Variants in SLC44A2 observed in about 807,000 individuals in gnomAD.
SLC44A2 encodes choline transporter-like protein 2.
SLC44A2 carries 57 observed loss-of-function variants against 90.8 expected under a neutral mutation model. The observed-to-expected ratio is 0.63, with a 90% CI of 0.51 to 0.78. SLC44A2 has a LOEUF of 0.78. Among genes scored for constraint, SLC44A2 ranks in the 30% least tolerant of loss-of-function variants. The pLI, the probability that SLC44A2 is intolerant of heterozygous loss-of-function variation, is 0.00. For synonymous variants in SLC44A2, 355 were observed against 360.7 expected, an observed-to-expected ratio of 0.98 and a Z score of 0.18; for missense variants, 794 against 919.7, an observed-to-expected ratio of 0.86 and a Z score of 1.77.
At position 10,635,091 on chromosome 19, in the gene SLC44A2, C is replaced by T. The variant is rs2067039513; in HGVS notation, c.1055+18C>T. The T allele has an allele frequency of 6.2e-7, 1 of 1,613,910 alleles. No homozygotes were observed. Among genetic ancestry groups the T allele is most frequent in the Non-Finnish European group, 8.5e-7 (1 of 1,179,898 alleles). On this transcript the variant is annotated intron_variant, in intron 12 of 21. Transcript: ENST00000335757. ...GCCAGCAGGTGGGGGGCCAGGGTGC[C>T]AGGGGCCAGGATGGAGCTGTCCCTA...
Position 10,638,260 on chromosome 19 carries a change from T to A in SLC44A2, c.1874T>A (p.Ile625Asn). 2 of 1,614,084 alleles carry A rather than the reference T, an allele frequency of 1.2e-6. No individual in the cohort carries two copies. The highest frequency in any genetic ancestry group is 1.3e-5 in the African/African-American group (1 of 74,996). The change falls in exon 20 of 22, where the codon ATC becomes AAC. Residue 625 changes from isoleucine (I) to asparagine (N), a missense_variant. Physicochemically the swap from Ile to Asn is moderately radical, Grantham distance 149. Around this residue, in one of 3 missense-constraint regions of SLC44A2, gnomAD observed 738 missense variants for 841.1 expected, o/e 0.88. Coordinates refer to ENST00000335757, the MANE Select transcript of SLC44A2 (RefSeq NM_020428.4). ...ILAFFFFTHR[I>N]RIVQDTAPPL... ...GCTTTCTTCTTCTTCACCCACCGTA[T>A]CAGGATCGTGCAGGATACAGCACCA...
chr19:10,620,193 A>C lies in SLC44A2; in HGVS notation c.32-6060A>C, dbSNP rs140749592. On this transcript the variant is annotated intron_variant, in intron 1 of 21. Coordinates refer to the SLC44A2 transcript ENST00000407327. ...TTTGTCTCAAAAACAAAAACAAAAA[A>C]AAAATTACTGGGCGCTGTGGCTCAT... Among the ~76,000 whole-genome samples, 111 of 152,054 alleles carry C rather than the reference A, an allele frequency of 7.3e-4. 1 individual carries two copies. The highest frequency in any genetic ancestry group is 1.8e-3 in the African/African-American group (74 of 41,498).
chr19:10,621,844 C>T (rs549411815), upstream of SLC44A2, among the ~76,000 whole-genome samples: 3 of 152,018 alleles, frequency 2.0e-5, no homozygotes, highest in African/African-American at 7.2e-5. Context: ...CTGGAACTCC[C>T]GACCTCAGGT....
intron 19 of SLC44A2, 32 bp from the exon 20 acceptor site, chr19:10,638,195 C>G: frequency 1.9e-6 from 3 of 1,613,518 alleles, no homozygotes; most frequent in Non-Finnish European, 2.5e-6. Context: ...ATCCAGAACC[C>G]TTCGCCATCT....
intron 10 of SLC44A2, 64 bp downstream of exon 10, chr19:10,632,220 T>C (rs1287846191): frequency 2.1e-6 from 3 of 1,438,322 alleles, no homozygotes; most frequent in Non-Finnish European, 2.9e-6. Context: ...CCCTTTCCCG[T>C]GGAAATGGCC....
chr19:10,629,387 C>T (rs1440620171), intron 4 of SLC44A2, among the ~76,000 whole-genome samples: 2 of 151,322 alleles, frequency 1.3e-5, no homozygotes, highest in Admixed American at 1.3e-4. Context: ...AAGCGGTTCT[C>T]CTGCCTCAGC....
chr19:10,624,948 A>G (rs2066918271), upstream of SLC44A2, among the ~76,000 whole-genome samples: 2 of 152,188 alleles, frequency 1.3e-5, no homozygotes, highest in African/African-American at 4.8e-5. Flanking sequence ...GAGCCTGGGC[A>G]ACATAGCAAC....
intron 1 of SLC44A2, among the ~76,000 whole-genome samples, chr19:10,606,433 T>C (rs969463966): frequency 9.9e-5 from 15 of 152,138 alleles, no homozygotes; most frequent in African/African-American, 3.4e-4. Flanking sequence ...CCCAGCACTT[T>C]GGGAGGCCGA....
intron 20 of SLC44A2, among the ~76,000 whole-genome samples, chr19:10,639,891 A>T (rs2067097233): frequency 6.6e-6 from 1 of 152,060 alleles, no homozygotes; most frequent in Non-Finnish European, 1.5e-5. Context: ...AAAAAAAAAA[A>T]AGTGGAGATA....
At chr19:10,608,880 G>A (rs937260381) in intron 1 of SLC44A2, among the ~76,000 whole-genome samples, 1 of 151,114 alleles carries the variant, frequency 6.6e-6, no homozygotes, top group East Asian at 1.9e-4. Context: ...GGAACTCCTG[G>A]GCTCAAGCTA....
intron 20 of SLC44A2, among the ~76,000 whole-genome samples, chr19:10,641,853 CA>C (rs1449492196): frequency 7.5e-6 from 1 of 133,866 alleles, no homozygotes; most frequent in Non-Finnish European, 1.6e-5. Flanking sequence ...GACCCTGTCT[CA>C]AAAAAAGAAA....
At position 10,615,818 on chromosome 19, in the gene SLC44A2, C is replaced by T. The variant is rs112490418; in HGVS notation, c.32-10435C>T. On this transcript the variant is annotated intron_variant, in intron 1 of 21. Coordinates refer to the SLC44A2 transcript ENST00000407327. ...CATGGGCACCTTCTTTCTCTCTAGG[C>T]CTCAGTTGATCTGTCTGTCAAATGG... Among the ~76,000 whole-genome samples, 862 of 152,128 alleles carry T rather than the reference C, an allele frequency of 5.7e-3. 3 individuals carry two copies. The highest frequency in any genetic ancestry group is 8.9e-3 in the Non-Finnish European group (603 of 67,996).
rs755995726 is a variant in SLC44A2 at position 10,636,629 on chromosome 19, G to A, written c.1497-33G>A. 5.6e-6 allele frequency: 9 copies of A among 1,609,214 alleles called. No homozygotes were observed. The Admixed American group carries it at 1.5e-4, about 27-fold the overall frequency. ...CAGGATGGGGTGGAGGACGAGGCCT[G>A]GCCCAGCCACCGACCACTCCCTCGG... On this transcript the variant is annotated intron_variant, in intron 15 of 21. Coordinates refer to ENST00000335757, the MANE Select transcript of SLC44A2 (RefSeq NM_020428.4).
At position 10,629,666 on chromosome 19, in the gene SLC44A2, C is replaced by T. The variant is rs141185510; in HGVS notation, c.246-1391C>T. ...GATCATAGCTCGCTACAGCCTGGAACTCCTGGGCTTAAGCGATCTTCCCAC... is the reference window on the plus strand; with the variant it reads ...GATCATAGCTCGCTACAGCCTGGAATTCCTGGGCTTAAGCGATCTTCCCAC... On this transcript the variant is annotated intron_variant, in intron 4 of 21. Transcript: ENST00000335757. Among the ~76,000 whole-genome samples the T allele has an allele frequency of 7.2e-5, 11 of 152,164 alleles. No individual in the cohort carries two copies. The East Asian group carries it at 2.1e-3, about 29-fold the overall frequency.
chr19:10,637,633 T>C lies in SLC44A2; in HGVS notation c.1592-11T>C, dbSNP rs1481551647. 2 of 1,613,282 alleles carry C rather than the reference T, an allele frequency of 1.2e-6. No homozygotes were observed. The highest frequency in any genetic ancestry group is 1.7e-6 in the Non-Finnish European group (2 of 1,179,454). On this transcript the variant is annotated splice_polypyrimidine_tract_variant and intron_variant, in intron 16 of 21. Coordinates refer to ENST00000335757, the MANE Select transcript of SLC44A2 (RefSeq NM_020428.4). ...TCCCCTCACTTCCACATCCCTTCCC[T>C]TCTCTTCCAGCTGCAGAGAACAAGT... is the stretch of plus-strand genomic sequence containing the variant.
intron 14 of SLC44A2, chr19:10,635,773 C>CAT: frequency 4.9e-6 from 1 of 205,880 alleles, no homozygotes; most frequent in Non-Finnish European, 9.3e-6. Flanking sequence ...TCCCTACTTC[C>CAT]TTTTTTTTTT....
chr19:10,627,320 CAAAA>C (rs538878754), intron 2 of SLC44A2, among the ~76,000 whole-genome samples: 1 of 110,778 alleles, frequency 9.0e-6, no homozygotes. Context: ...GATTCCCTCT[CAAAA>C]AAAAAAAAAA....
intron 1 of SLC44A2, among the ~76,000 whole-genome samples, chr19:10,607,514 C>T (rs1024103054): frequency 7.4e-6 from 1 of 135,488 alleles, no homozygotes; most frequent in Non-Finnish European, 1.6e-5. Context: ...TGATACTCAA[C>T]TAATTTTTTT....
intron 5 of SLC44A2, 24 bp downstream of exon 5, chr19:10,631,165 T>C: frequency 6.2e-7 from 1 of 1,608,330 alleles, no homozygotes; most frequent in Non-Finnish European, 8.5e-7. Context: ...CACCGTTCCC[T>C]TTTTCCTCTC....
Sources: allele counts gnomAD v4.1 joint callset (sites outside exome capture counted in the v4.1 genomes callset), GRCh38; gene constraint gnomAD v4.1.1; regional missense constraint gnomAD v4.1.1; transcripts MANE v1.5; gene names NCBI Gene and HGNC (gene_info 2026-07-23, HGNC 2026-07-21).